ARAP2: variants seen among roughly 807,000 people sequenced by gnomAD.
ARAP2 encodes the protein ArfGAP with RhoGAP domain, ankyrin repeat and PH domain 2, also known as arf-GAP with Rho-GAP domain, ANK repeat and PH domain-containing protein 2.
Under a neutral mutation model 194.5 loss-of-function variants are expected in ARAP2, and 148 were observed. The ratio of observed to expected loss-of-function variants is 0.76; its 90% confidence interval spans 0.67 to 0.87. The LOEUF is 0.87. Among genes scored for constraint, ARAP2 ranks in the 40% least tolerant of loss-of-function variants. The probability of loss-of-function intolerance (pLI) is 0.00; values close to 1 mark genes in which losing one functional copy is unlikely to be tolerated. For missense variants in ARAP2, 2,128 were observed against 1,989.7 expected, an observed-to-expected ratio of 1.07 and a Z score of -1.32; for synonymous variants, 695 against 683.5, an observed-to-expected ratio of 1.02 and a Z score of -0.26.
At chr4:36,180,996 G>C (rs771111185) in intron 8 of ARAP2, among the ~76,000 whole-genome samples, 1 of 152,168 alleles carries the variant, frequency 6.6e-6, no homozygotes, top group Non-Finnish European at 1.5e-5. Context: ...GAGATATGGG[G>C]GAATATGCTT....
chr4:36,159,251 G>T, intron 14 of ARAP2, 80 bp downstream of exon 14: 12 of 1,314,108 alleles, frequency 9.1e-6, no homozygotes, highest in Admixed American at 2.9e-5. Context: ...TCTCTTATTT[G>T]AAAAATCAAT....
rs982785632 is a variant in ARAP2, at chr4:36,138,960, T to C, written c.3264-5571A>G. The stretch of plus-strand genomic sequence containing the variant: ...TTTACATGTGCTTGTTGGCTATTCA[T>C]AGACATCCTTTTAGACATTTCTATT... On this transcript the variant is annotated intron_variant, in intron 19 of 32. Coordinates refer to ENST00000303965, the MANE Select transcript of ARAP2 (RefSeq NM_015230.4). Among the ~76,000 whole-genome samples the C allele has an allele frequency of 6.6e-5, 10 of 151,744 alleles. No individual in the cohort carries two copies. In the East Asian group the frequency reaches 7.7e-4, roughly 12 times the overall value.
chr4:36,134,916 A>G (rs1043099877), intron 19 of ARAP2, among the ~76,000 whole-genome samples: 2 of 151,608 alleles, frequency 1.3e-5, no homozygotes, highest in African/African-American at 4.8e-5. Context: ...TCTTTCACTG[A>G]TGGCTTTGTC....
chr4:36,105,723 G>A (rs932324930), intron 27 of ARAP2, among the ~76,000 whole-genome samples: 1 of 151,846 alleles, frequency 6.6e-6, no homozygotes, highest in Admixed American at 6.6e-5. Flanking sequence ...GCCATGCCCC[G>A]AAGATTAATA....
At chr4:36,164,879 C>T (rs1490946624) in intron 11 of ARAP2, 35 bp downstream of exon 11, 1 of 1,600,680 alleles carries the variant, frequency 6.2e-7, no homozygotes, top group African/African-American at 1.3e-5. Flanking sequence ...CAATCTGCCA[C>T]AAAGCTGTGA....
At chr4:36,221,309 C>T (rs138927361) in intron 2 of ARAP2, among the ~76,000 whole-genome samples, 1 of 152,112 alleles carries the variant, frequency 6.6e-6, no homozygotes, top group Non-Finnish European at 1.5e-5. Flanking sequence ...TCAAAGGACT[C>T]ATGCATGTGT....
At position 36,082,264 on chromosome 4, in the gene ARAP2, CA is replaced by C; in HGVS notation, c.4530del (p.Glu1511ArgfsTer19). ...PPTSWGLTAY[S>X]EKHHWHLCCD... ...CTGTTAACTTACCAGTGATGTTTCT[CA>C]GAATATGCGGTCAATCCCCAGCTGC... On this transcript the variant is annotated frameshift_variant, in exon 30 of 33. Transcript: ENST00000303965. LOFTEE classifies it high-confidence loss of function. 6.2e-7 allele frequency: 1 copy of C among 1,610,640 alleles called. No homozygotes were observed.
chr4:36,009,106 A>G (rs1239673554), intron 9 of ARAP2, among the ~76,000 whole-genome samples: 2 of 152,156 alleles, frequency 1.3e-5, no homozygotes, highest in Non-Finnish European at 2.9e-5. Context: ...GAGAATGTAA[A>G]CTAGTTCAGT....
At chr4:36,173,862 T>C (rs1382658049) in intron 9 of ARAP2, among the ~76,000 whole-genome samples, 1 of 152,202 alleles carries the variant, frequency 6.6e-6, no homozygotes, top group Admixed American at 6.5e-5. Flanking sequence ...TCTAACACTT[T>C]TAAGGTTATA....
intron 1 of ARAP2, among the ~76,000 whole-genome samples, chr4:36,241,455 G>A (rs1001915807): frequency 6.6e-6 from 1 of 152,140 alleles, no homozygotes; most frequent in Non-Finnish European, 1.5e-5. Flanking sequence ...TCCAAGATAA[G>A]AGAGGGAGAT....
intron 18 of ARAP2, 52 bp downstream of exon 18, chr4:36,147,496 G>C: frequency 6.3e-7 from 1 of 1,578,758 alleles, no homozygotes; most frequent in Non-Finnish European, 8.6e-7. Flanking sequence ...TATCACTATT[G>C]TATGCAATAA....
At chr4:36,132,804 T>C (rs1725742707) in intron 20 of ARAP2, among the ~76,000 whole-genome samples, 2 of 151,814 alleles carry the variant, frequency 1.3e-5, no homozygotes, top group Non-Finnish European at 2.9e-5. Flanking sequence ...AAGCAAATTA[T>C]TTGACATATT....
chr4:36,071,693 A>ATTTTTTTTTTTTTTTTTTTTTTTTTTTT (rs55918222), intron 32 of ARAP2, among the ~76,000 whole-genome samples: 1 of 147,130 alleles, frequency 6.8e-6, no homozygotes. Flanking sequence ...TTTTTTTTTA[A>ATTTTTTTTTTTTTTTTTTTTTTTTTTTT]TTTTTTTTCT....
intron 2 of ARAP2, among the ~76,000 whole-genome samples, chr4:36,057,197 TG>T (rs922128551): frequency 1.5e-4 from 22 of 151,616 alleles, no homozygotes; most frequent in Admixed American, 4.6e-4. Flanking sequence ...TAATTGTAAT[TG>T]TTTTTTTTTT....
rs1340634615 is a variant in ARAP2, at chr4:36,129,341, C to G, written c.3428-596G>C. Among the ~76,000 whole-genome samples the G allele has an allele frequency of 2.0e-5, 3 of 151,898 alleles. No individual in the cohort carries two copies. In the East Asian group the frequency reaches 5.8e-4, roughly 29 times the overall value. ...CCTCCCAGGCTTCTTTTCCCTGTTC[C>G]TTTCACAACCAGGCTGAGTTTTCTA... On this transcript the variant is annotated intron_variant, in intron 20 of 32. Coordinates refer to ENST00000303965, the MANE Select transcript of ARAP2 (RefSeq NM_015230.4).
intron 15 of ARAP2, among the ~76,000 whole-genome samples, chr4:36,152,270 G>A (rs1480447443): frequency 2.0e-5 from 3 of 152,154 alleles, no homozygotes; most frequent in Non-Finnish European, 4.4e-5. Flanking sequence ...CTGGTCAAAG[G>A]TGAAATATAA....
In ARAP2 at chr4:36,082,289, G is replaced by A. The variant is rs1490118157; in HGVS notation, c.4509-3C>T. 4 of 1,605,536 alleles carry A rather than the reference G, an allele frequency of 2.5e-6. No individual in the cohort carries two copies. Among genetic ancestry groups the A allele is most frequent in the Non-Finnish European group, 3.4e-6 (4 of 1,176,874 alleles). ...CAGAATATGCGGTCAATCCCCAGCT[G>A]CATCACATAGAAAAAAAAACACACA... On this transcript the variant is annotated splice_region_variant and splice_polypyrimidine_tract_variant and intron_variant, in intron 29 of 32. Coordinates refer to ENST00000303965, the MANE Select transcript of ARAP2 (RefSeq NM_015230.4).
intron 25 of ARAP2, among the ~76,000 whole-genome samples, chr4:36,115,620 G>A (rs534290141): frequency 6.6e-5 from 10 of 151,970 alleles, no homozygotes; most frequent in Admixed American, 3.3e-4. Context: ...TATACTGAAC[G>A]TCCAGTCGAG....
chr4:36,128,711 AC>A lies in ARAP2; in HGVS notation c.3461del (p.Gly1154ValfsTer6). 1 of 1,612,078 alleles carries A rather than the reference AC, an allele frequency of 6.2e-7. No individual in the cohort carries two copies. The highest frequency in any genetic ancestry group is 1.1e-5 in the South Asian group (1 of 91,000). On this transcript the variant is annotated frameshift_variant, in exon 21 of 33. Transcript: ENST00000303965. LOFTEE classifies it high-confidence loss of function. ...GGAGTTCACTTATATGCAAAGGATC[AC>A]CATTCTTTTGATAGATATATTTGCA... ...LGCKYIYQKN[G>X]DPLHISELLE...
Sources: allele counts gnomAD v4.1 joint callset (sites outside exome capture counted in the v4.1 genomes callset), GRCh38; gene constraint gnomAD v4.1.1; transcripts MANE v1.5; gene names NCBI Gene and HGNC (gene_info 2026-07-23, HGNC 2026-07-21).